The following PTPRK variants were observed in gnomAD, a reference collection of about 807,000 sequenced individuals.
PTPRK encodes the protein receptor-type tyrosine-protein phosphatase kappa.
PTPRK carries 75 observed loss-of-function variants against 178.0 expected under a neutral mutation model. The observed-to-expected ratio is 0.42, with a 90% CI of 0.35 to 0.51. The LOEUF is 0.51. Among genes scored for constraint, PTPRK ranks in the 20% least tolerant of loss-of-function variants. PTPRK has a pLI of 0.02. For synonymous variants in PTPRK, 637 were observed against 620.6 expected, an observed-to-expected ratio of 1.03 and a Z score of -0.39; for missense variants, 1,441 against 1,797.8, an observed-to-expected ratio of 0.80 and a Z score of 3.59.
In PTPRK at chr6:128,065,830, A is replaced by G. The variant is rs553913238; in HGVS notation, c.2158-1036T>C. ...CCCATAAAGGCCCCAAAGGATTTTC[A>G]TTTCTTAAAAGCAATTGCTGTTTAA... On this transcript the variant is annotated intron_variant, in intron 12 of 29. Coordinates refer to ENST00000368226, the MANE Select transcript of PTPRK (RefSeq NM_002844.4). Among the ~76,000 whole-genome samples the G allele has an allele frequency of 5.3e-5, 8 of 152,258 alleles. No homozygotes were observed. In the South Asian group the frequency reaches 8.3e-4, roughly 16 times the overall value.
chr6:128,370,719 A>G (rs192489774), intron 2 of PTPRK, among the ~76,000 whole-genome samples: 1 of 152,212 alleles, frequency 6.6e-6, no homozygotes, highest in East Asian at 1.9e-4. Context: ...TTTTGTTATT[A>G]CTATTTTTAA....
rs1378643619 is a variant in PTPRK, at chr6:128,519,340, C to G, written c.100+919G>C. ...CGGGAGAGCCAGGGTTCACGGACTT[C>G]TCTGAGCGGCTTGACCGAGAACCCC... On this transcript the variant is annotated intron_variant, in intron 1 of 29. Coordinates refer to ENST00000368226, the MANE Select transcript of PTPRK (RefSeq NM_002844.4). The surrounding 1 kb of genome is among the most constrained non-coding windows in gnomAD (Gnocchi z 4.3). Among the ~76,000 whole-genome samples the G allele has an allele frequency of 2.0e-5, 3 of 152,222 alleles. No individual in the cohort carries two copies. Among genetic ancestry groups the G allele is most frequent in the African/African-American group, 7.2e-5 (3 of 41,456 alleles).
intron 1 of PTPRK, among the ~76,000 whole-genome samples, chr6:128,454,007 CAT>C (rs1417301358): frequency 6.6e-6 from 1 of 152,098 alleles, no homozygotes; most frequent in African/African-American, 2.4e-5. Flanking sequence ...TACACAATAA[CAT>C]ATGGATATAT....
intron 5 of PTPRK, among the ~76,000 whole-genome samples, chr6:128,223,685 T>C (rs564350423): frequency 9.8e-5 from 15 of 152,320 alleles, no homozygotes; most frequent in African/African-American, 3.4e-4. Flanking sequence ...ATGTACCTTA[T>C]ATTATGTGAG....
chr6:128,236,200 ATGTC>A (rs1300300271), intron 5 of PTPRK, among the ~76,000 whole-genome samples: 1 of 152,156 alleles, frequency 6.6e-6, no homozygotes, highest in African/African-American at 2.4e-5. Flanking sequence ...GATTTAAAAA[ATGTC>A]TGTTCATGTG....
At chr6:128,255,439 C>A (rs536986880) in intron 3 of PTPRK, among the ~76,000 whole-genome samples, 20 of 152,150 alleles carry the variant, frequency 1.3e-4, no homozygotes, top group African/African-American at 3.6e-4. Context: ...ATTATAATGA[C>A]CAAGTGCCTC....
chr6:128,293,612 C>T (rs962927248), intron 3 of PTPRK, among the ~76,000 whole-genome samples: 2 of 152,060 alleles, frequency 1.3e-5, no homozygotes, highest in African/African-American at 4.8e-5. Context: ...AAATACCAAA[C>T]ATCACTTACC....
At chr6:128,261,033 C>T (rs1818100415) in intron 3 of PTPRK, among the ~76,000 whole-genome samples, 1 of 152,108 alleles carries the variant, frequency 6.6e-6, no homozygotes, top group Admixed American at 6.6e-5. Flanking sequence ...GCAATAGTTT[C>T]TGTTTTACCC....
chr6:128,261,872 A>T (rs1818235183), intron 3 of PTPRK, among the ~76,000 whole-genome samples: 1 of 152,116 alleles, frequency 6.6e-6, no homozygotes, highest in Admixed American at 6.6e-5. Context: ...ATAAGACACA[A>T]ATTCCACAAG....
chr6:128,243,686 C>T (rs1194965051), intron 3 of PTPRK, among the ~76,000 whole-genome samples: 1 of 151,172 alleles, frequency 6.6e-6, no homozygotes, highest in Non-Finnish European at 1.5e-5. Flanking sequence ...AGAGCAAGAC[C>T]CTGACTCTAA....
chr6:128,516,302 A>T (rs1422755869), intron 1 of PTPRK, among the ~76,000 whole-genome samples: 1 of 152,162 alleles, frequency 6.6e-6, no homozygotes, highest in Non-Finnish European at 1.5e-5. Context: ...AACAGCAGCC[A>T]GACTCTCCTC....
At chr6:128,406,770 C>G (rs1841707160) in intron 1 of PTPRK, among the ~76,000 whole-genome samples, 1 of 152,130 alleles carries the variant, frequency 6.6e-6, no homozygotes, top group African/African-American at 2.4e-5. Flanking sequence ...ATGCTGAAAC[C>G]TGAATCACAG....
chr6:128,408,275 C>A (rs1315421881), intron 1 of PTPRK, among the ~76,000 whole-genome samples: 1 of 152,088 alleles, frequency 6.6e-6, no homozygotes, highest in East Asian at 1.9e-4. Context: ...GTAATCCCAG[C>A]TACTCAGGAG....
chr6:127,995,440 A>C, intron 18 of PTPRK, 22 bp downstream of exon 18: 3 of 1,527,488 alleles, frequency 2.0e-6, no homozygotes, highest in Non-Finnish European at 2.7e-6. Flanking sequence ...AAGTAGACAT[A>C]CTTAACTATA....
chr6:128,402,249 G>GTTTGTT (rs1274985691), intron 1 of PTPRK, among the ~76,000 whole-genome samples: 28 of 152,064 alleles, frequency 1.8e-4, no homozygotes, highest in Non-Finnish European at 2.5e-4. Flanking sequence ...GGTTTTGTTT[G>GTTTGTT]TTTGTTTTTG....
Position 128,494,944 on chromosome 6 carries a change from A to T in PTPRK, c.100+25315T>A, listed in dbSNP as rs76120466. Among the ~76,000 whole-genome samples the T allele has an allele frequency of 7.2e-3, 1,097 of 152,360 alleles. 11 individuals are homozygous for T. The highest frequency in any genetic ancestry group is 0.025 in the African/African-American group (1,025 of 41,584). Reference sequence around the variant, plus strand: ...TGTAAAGCCTTTGCTATTCTCACAAAAAATAAATAAATAAAATAAACAAAA... The same window carrying T: ...TGTAAAGCCTTTGCTATTCTCACAATAAATAAATAAATAAAATAAACAAAA... On this transcript the variant is annotated intron_variant, in intron 1 of 29. Transcript: ENST00000368226.
At chr6:128,087,963 CT>C (rs1365830713) in intron 8 of PTPRK, among the ~76,000 whole-genome samples, 2 of 152,148 alleles carry the variant, frequency 1.3e-5, no homozygotes, top group Non-Finnish European at 2.9e-5. Context: ...ATAATAACCT[CT>C]TTTATGGCAA....
chr6:128,275,623 C>T (rs569033346), intron 3 of PTPRK, among the ~76,000 whole-genome samples: 1 of 152,012 alleles, frequency 6.6e-6, no homozygotes, highest in Non-Finnish European at 1.5e-5. Flanking sequence ...TCTTAATGTT[C>T]GTATTTGGGA....
intron 2 of PTPRK, among the ~76,000 whole-genome samples, chr6:128,331,516 C>A (rs1830276806): frequency 6.6e-6 from 1 of 151,618 alleles, no homozygotes; most frequent in East Asian, 1.9e-4. Context: ...TGATAATAAG[C>A]AAAATTTTCA....
Sources: gnomAD v4.1 joint callset for allele counts (sites outside exome capture counted in the v4.1 genomes callset) on GRCh38, gnomAD v4.1.1 for gene constraint, Gnocchi (gnomAD v3.1) non-coding constraint, MANE v1.5 for transcripts, NCBI Gene and HGNC (gene_info 2026-07-23, HGNC 2026-07-21) for gene names.